The following MCMBP variants were observed in gnomAD, a reference collection of about 807,000 sequenced individuals.
MCMBP encodes the protein mini-chromosome maintenance complex-binding protein.
Under a neutral mutation model 81.3 loss-of-function variants are expected in MCMBP, and 31 were observed. That is an observed-to-expected ratio of 0.38 (90% CI 0.29 to 0.51). The LOEUF (loss-of-function observed/expected upper bound fraction) is 0.51, where lower values mean the gene tolerates loss of function less well. Among genes scored for constraint, MCMBP ranks in the 20% least tolerant of loss-of-function variants. The pLI is 0.87. For missense variants in MCMBP, 645 were observed against 772.1 expected (o/e 0.84, Z 1.95); for synonymous variants, 267 against 275.9 (o/e 0.97, Z 0.32).
chr10:119,837,993 A>G (rs1852304444), intron 12 of MCMBP, among the ~76,000 whole-genome samples: 2 of 151,996 alleles, frequency 1.3e-5, no homozygotes. Flanking sequence ...CAACATAGCG[A>G]GACCCTGTCT....
At chr10:119,840,991 G>A (rs1002158961) in intron 10 of MCMBP, 31 bp from the exon 11 acceptor site, 14 of 1,270,584 alleles carry the variant, frequency 1.1e-5, no homozygotes, top group Non-Finnish European at 1.1e-5. Context: ...TCAATAAGAT[G>A]CTGAAGTGAC....
At chr10:119,855,513 T>C (rs1423350947) in intron 5 of MCMBP, among the ~76,000 whole-genome samples, 1 of 151,744 alleles carries the variant, frequency 6.6e-6, no homozygotes, top group Non-Finnish European at 1.5e-5. Context: ...CTATCAAAAA[T>C]ACAAAACAAT....
chr10:119,857,595 G>T, intron 4 of MCMBP, 156 bp from the exon 5 acceptor site: 2 of 510,566 alleles, frequency 3.9e-6, no homozygotes, highest in Admixed American at 3.5e-5. Flanking sequence ...CTTTTTAAAA[G>T]AAAATGGATA....
At position 119,835,636 on chromosome 10, in the gene MCMBP, A is replaced by T. The variant is rs1343484372; in HGVS notation, c.1611T>A (p.Leu537=). The T allele has an allele frequency of 4.3e-6, 7 of 1,614,104 alleles. No individual in the cohort carries two copies. The Admixed American group carries it at 5.0e-5, about 12-fold the overall frequency. ...PPNMEEYMNS[L]LSAVLPSVLN... ...GCACGGAAGGCAGCACCGCTGAGAG[A>T]AGGCTGTTCATGTACTCCTCCATGT... The change falls in exon 14 of 16, where the codon CTT becomes CTA. Residue 537 remains leucine (L), a synonymous_variant. Coordinates refer to ENST00000369077, the MANE Select transcript of MCMBP (RefSeq NM_001256378.2).
At chr10:119,868,986 A>G (rs993021849) in intron 1 of MCMBP, among the ~76,000 whole-genome samples, 1 of 152,340 alleles carries the variant, frequency 6.6e-6, no homozygotes, top group Admixed American at 6.5e-5. Context: ...AACCACTTTA[A>G]AAGTCCTGGA....
chr10:119,868,893 C>T (rs989452609), intron 1 of MCMBP, among the ~76,000 whole-genome samples: 2 of 152,050 alleles, frequency 1.3e-5, no homozygotes, highest in Non-Finnish European at 1.5e-5. Context: ...AGGTTCAGTG[C>T]GGCTGGGATG....
chr10:119,846,012 G>A (rs764064430), intron 8 of MCMBP, among the ~76,000 whole-genome samples: 3 of 152,174 alleles, frequency 2.0e-5, no homozygotes, highest in Non-Finnish European at 4.4e-5. Context: ...GCATTTAAAT[G>A]TGGGTGCGTA....
At position 119,841,007 on chromosome 10, in the gene MCMBP, G is replaced by C. The variant is rs754771062; in HGVS notation, c.1125-47C>G. The C allele has an allele frequency of 2.7e-6, 3 of 1,102,320 alleles. No homozygotes were observed. In the South Asian group the frequency reaches 4.0e-5, roughly 15 times the overall value. The allele number at this position is 1,102,320 out of a possible 1,614,324, so 68.3% of individuals were successfully genotyped here. On this transcript the variant is annotated intron_variant, in intron 10 of 15. Coordinates refer to ENST00000369077, the MANE Select transcript of MCMBP (RefSeq NM_001256378.2). ...CAATAAGATGCTGAAGTGACTTCCTGATTTCTATCAAATAGCGAAGAATAG... is the reference window on the plus strand; with the variant it reads ...CAATAAGATGCTGAAGTGACTTCCTCATTTCTATCAAATAGCGAAGAATAG...
intron 4 of MCMBP, chr10:119,857,840 T>C (rs956970954): frequency 2.0e-5 from 3 of 153,328 alleles, no homozygotes; most frequent in African/African-American, 7.2e-5. Context: ...ACAACAGAAG[T>C]TGTTGCTCAT....
chr10:119,869,565 C>G (rs1377690817), intron 1 of MCMBP, among the ~76,000 whole-genome samples: 1 of 109,358 alleles, frequency 9.1e-6, no homozygotes, highest in Non-Finnish European at 1.9e-5. Flanking sequence ...GAGCAAGACT[C>G]AGTCTCAAAA....
intron 1 of MCMBP, among the ~76,000 whole-genome samples, chr10:119,863,855 G>A (rs1853353318): frequency 6.6e-6 from 1 of 151,062 alleles, no homozygotes; most frequent in Admixed American, 6.6e-5. Context: ...CTACTTGGGT[G>A]AGTTTGGATA....
intron 11 of MCMBP, among the ~76,000 whole-genome samples, chr10:119,839,038 G>A (rs940660707): frequency 6.6e-6 from 1 of 152,100 alleles, no homozygotes; most frequent in African/African-American, 2.4e-5. Flanking sequence ...AAGCTAGCTA[G>A]CAAAAAGAAA....
At position 119,835,675 on chromosome 10, in the gene MCMBP, C is replaced by T. The variant is rs753284665; in HGVS notation, c.1572G>A (p.Gln524=). Residue 524 remains glutamine (Q), a synonymous_variant, in exon 14 of 16, where the codon CAG becomes CAA. Transcript: ENST00000369077. ...PADCQIHLQP[Q]LIPPNMEEYM... ...ACTCCTCCATGTTTGGTGGAATTAG[C>T]TGGGGCTGTAAGTGAATCTGGCAGT... 1.2e-6 allele frequency: 2 copies of T among 1,614,242 alleles called. No individual in the cohort carries two copies. The highest frequency in any genetic ancestry group is 1.7e-6 in the Non-Finnish European group (2 of 1,180,034).
chr10:119,848,166 T>TA (rs61603072), intron 7 of MCMBP, among the ~76,000 whole-genome samples: 598 of 138,506 alleles, frequency 4.3e-3, no homozygotes, highest in Admixed American at 7.1e-3. Flanking sequence ...TTTCACAATT[T>TA]AAAAAAAAAA....
In MCMBP at chr10:119,839,230, C is replaced by T. The variant is rs59029483; in HGVS notation, c.1243-530G>A. 6.8e-3 allele frequency among the ~76,000 whole-genome samples: 1,032 copies of T among 152,318 alleles called. 11 individuals carry two copies. Among genetic ancestry groups the T allele is most frequent in the African/African-American group, 0.024 (984 of 41,566 alleles). On this transcript the variant is annotated intron_variant, in intron 11 of 15. Coordinates refer to ENST00000369077, the MANE Select transcript of MCMBP (RefSeq NM_001256378.2). ...GCTCTCAGGAGGTGCCTCCAGGACG[C>T]GAGCACCTTCTCACTCAGTGTTTAA...
At chr10:119,849,326 C>G in intron 7 of MCMBP, 99 bp downstream of exon 7, 1 of 1,268,870 alleles carries the variant, frequency 7.9e-7, no homozygotes, top group Middle Eastern at 1.9e-4. Context: ...TTTGCTATAG[C>G]TAGCCCAGCA....
chr10:119,834,128 G>A (rs1230859732), intron 14 of MCMBP, among the ~76,000 whole-genome samples: 1 of 152,134 alleles, frequency 6.6e-6, no homozygotes, highest in African/African-American at 2.4e-5. Context: ...GATACACAGT[G>A]GTAGTGTCAG....
intron 1 of MCMBP, among the ~76,000 whole-genome samples, chr10:119,862,208 G>A (rs1411200405): frequency 6.6e-6 from 1 of 152,196 alleles, no homozygotes; most frequent in Non-Finnish European, 1.5e-5. Flanking sequence ...TTGGGAGGCT[G>A]AGGCAGGAGA....
At chr10:119,838,428 G>T in intron 12 of MCMBP, 107 bp downstream of exon 12, 1 of 1,034,336 alleles carries the variant, frequency 9.7e-7, no homozygotes, top group Non-Finnish European at 1.4e-6. Context: ...TTTATCTTAC[G>T]TTGTTAAATG....
Sources: gnomAD v4.1 joint callset for allele counts (sites outside exome capture counted in the v4.1 genomes callset) on GRCh38, gnomAD v4.1.1 for gene constraint, MANE v1.5 for transcripts, NCBI Gene and HGNC (gene_info 2026-07-23, HGNC 2026-07-21) for gene names.